The following LRRC8D variants were observed in gnomAD, a reference collection of about 807,000 sequenced individuals.
The protein encoded by LRRC8D is volume-regulated anion channel subunit LRRC8D.
LRRC8D carries 20 observed loss-of-function variants against 55.8 expected under a neutral mutation model. That is an observed-to-expected ratio of 0.36 (90% CI 0.25 to 0.52). The LOEUF is 0.52. Ranked by LOEUF, LRRC8D falls within the 20% of genes least tolerant of loss-of-function variation. The pLI is 0.93. For synonymous variants in LRRC8D, 352 were observed against 377.0 expected (o/e 0.93, Z 0.77); for missense variants, 651 against 1,030.8 (o/e 0.63, Z 5.05).
intron 2 of LRRC8D, among the ~76,000 whole-genome samples, chr1:89,922,641 G>C (rs1409466676): frequency 6.6e-6 from 1 of 152,148 alleles, no homozygotes; most frequent in Admixed American, 6.6e-5. Flanking sequence ...TACACTGTGA[G>C]GTGGTTTTTA....
Position 89,934,732 on chromosome 1 carries a change from G to T in LRRC8D, c.1664G>T (p.Trp555Leu), listed in dbSNP as rs2101005077. The T allele has an allele frequency of 6.2e-7, 1 of 1,614,116 alleles. No individual in the cohort carries two copies. The highest frequency in any genetic ancestry group is 8.5e-7 in the Non-Finnish European group (1 of 1,180,026). The change falls in exon 3 of 3, where the codon TGG becomes TTG. Residue 555 changes from tryptophan (W) to leucine (L), a missense_variant. By Grantham distance (61) the Trp-to-Leu change is moderately conservative. Around this residue, in one of 5 missense-constraint regions of LRRC8D, gnomAD observed 338 missense variants for 479.4 expected, o/e 0.71. Transcript: ENST00000337338. The surrounding 1 kb of genome is among the most constrained non-coding windows in gnomAD (Gnocchi z 5.9). ...KFTDVAEIPA[W>L]VYLLKNLREL... ...ACTGATGTGGCTGAAATTCCTGCCT[G>T]GGTGTATTTGCTCAAAAACCTTCGA...
chr1:89,857,051 G>A (rs563176746), intron 2 of LRRC8D, among the ~76,000 whole-genome samples: 26 of 152,082 alleles, frequency 1.7e-4, no homozygotes, highest in Middle Eastern at 3.4e-3. Context: ...ATGTGTATGC[G>A]TAGAAAAAAA....
At chr1:89,902,150 C>T (rs1449684434) in intron 2 of LRRC8D, among the ~76,000 whole-genome samples, 1 of 152,276 alleles carries the variant, frequency 6.6e-6, no homozygotes, top group Non-Finnish European at 1.5e-5. Context: ...GTTTTCTCCA[C>T]AACAATTAAA....
Position 89,934,831 on chromosome 1 carries a change from G to A in LRRC8D, c.1763G>A (p.Arg588Gln), listed in dbSNP as rs745373233. 3.7e-6 allele frequency: 6 copies of A among 1,614,004 alleles called. No individual in the cohort carries two copies. The highest frequency in any genetic ancestry group is 5.1e-6 in the Non-Finnish European group (6 of 1,179,988). Residue 588 changes from arginine (R) to glutamine (Q), a missense_variant, in exon 3 of 3, where the codon CGG (arginine) becomes CAG (glutamine). This residue lies in a region of LRRC8D where 338 missense variants were observed against 479.4 expected (regional missense o/e 0.71). Transcript: ENST00000337338. The surrounding 1 kb of genome is among the most constrained non-coding windows in gnomAD (Gnocchi z 5.9). ...GGACTTGAATCTCTCCGAGAGTTGC[G>A]GCACCTTAAGATTCTCCACGTGAAG... ...MIGLESLREL[R>Q]HLKILHVKSN...
At chr1:89,821,338 G>A (rs954761835) in intron 1 of LRRC8D, 47 bp downstream of exon 1, 1 of 152,132 alleles carries the variant, frequency 6.6e-6, no homozygotes, top group Non-Finnish European at 1.5e-5. Context: ...GCGAGGGAAG[G>A]CGACGCGCAG....
chr1:89,821,606 G>A lies in LRRC8D; in HGVS notation c.-148+315G>A, dbSNP rs1239326594. On this transcript the variant is annotated intron_variant, in intron 1 of 2. Coordinates refer to ENST00000337338, the MANE Select transcript of LRRC8D (RefSeq NM_001134479.2). ...TTCCTGGCTCCTGAACCCCTCGCGC[G>A]CGCTCCCTTCTCTCACCTCCCTCCG... 2.0e-5 allele frequency among the ~76,000 whole-genome samples: 3 copies of A among 152,238 alleles called. No homozygotes were observed. The East Asian group carries it at 5.8e-4, about 30-fold the overall frequency.
chr1:89,899,977 A>G (rs1190211405), intron 2 of LRRC8D, among the ~76,000 whole-genome samples: 1 of 152,240 alleles, frequency 6.6e-6, no homozygotes, highest in Non-Finnish European at 1.5e-5. Flanking sequence ...CTGGGGAAAC[A>G]AACGTGAATG....
At chr1:89,906,354 G>T (rs2816850) in intron 2 of LRRC8D, among the ~76,000 whole-genome samples, 31,281 of 152,066 alleles carry the variant, frequency 0.21, 3,831 homozygotes, top group African/African-American at 0.34. Flanking sequence ...CTCGAGCATC[G>T]CTGTAGAGCC....
At chr1:89,825,955 AT>A (rs1211513342) in intron 1 of LRRC8D, among the ~76,000 whole-genome samples, 2 of 152,188 alleles carry the variant, frequency 1.3e-5, no homozygotes, top group African/African-American at 2.4e-5. Flanking sequence ...ATGAGTGTCC[AT>A]TGTGCCCCAA....
At chr1:89,842,453 T>C (rs1661158980) in intron 1 of LRRC8D, among the ~76,000 whole-genome samples, 2 of 152,240 alleles carry the variant, frequency 1.3e-5, no homozygotes. Flanking sequence ...AGATGTTGTC[T>C]AGCACTGAGT....
intron 2 of LRRC8D, among the ~76,000 whole-genome samples, chr1:89,912,316 C>T (rs933565917): frequency 2.0e-5 from 3 of 152,162 alleles, no homozygotes; most frequent in Non-Finnish European, 2.9e-5. Context: ...TCCTTACTGT[C>T]CCTTTGTAAT....
At chr1:89,908,545 A>G (rs1663053058) in intron 2 of LRRC8D, among the ~76,000 whole-genome samples, 1 of 152,194 alleles carries the variant, frequency 6.6e-6, no homozygotes, top group Non-Finnish European at 1.5e-5. Context: ...CAGGTCCCTA[A>G]AGCCCTCCTG....
At chr1:89,841,006 T>G (rs1661118023) in intron 1 of LRRC8D, among the ~76,000 whole-genome samples, 1 of 152,222 alleles carries the variant, frequency 6.6e-6, no homozygotes, top group African/African-American at 2.4e-5. Context: ...AATGCCCTGC[T>G]TCACATCCCC....
In LRRC8D at chr1:89,832,480, A is replaced by G. The variant is rs183897757; in HGVS notation, c.-147-11158A>G. Among the ~76,000 whole-genome samples, 92 of 152,306 alleles carry G rather than the reference A, an allele frequency of 6.0e-4. No homozygotes were observed. In the East Asian group the frequency reaches 0.01, roughly 17 times the overall value. ...ACTGGAATAACTTTAAATTTCTAAT[A>G]CTTTGGTTGCTTTTTAGAATAAATT... On this transcript the variant is annotated intron_variant, in intron 1 of 2. Coordinates refer to ENST00000337338, the MANE Select transcript of LRRC8D (RefSeq NM_001134479.2).
At chr1:89,873,215 C>G (rs189571869) in intron 2 of LRRC8D, among the ~76,000 whole-genome samples, 5 of 152,284 alleles carry the variant, frequency 3.3e-5, no homozygotes, top group Non-Finnish European at 5.9e-5. Context: ...TCCCCTGTAA[C>G]TCAACAACCC....
At chr1:89,839,727 G>A (rs1661087916) in intron 1 of LRRC8D, among the ~76,000 whole-genome samples, 1 of 152,198 alleles carries the variant, frequency 6.6e-6, no homozygotes, top group Non-Finnish European at 1.5e-5. Context: ...TACCCCGGAG[G>A]TGAAGACAAG....
intron 2 of LRRC8D, among the ~76,000 whole-genome samples, chr1:89,899,523 G>A (rs1662796063): frequency 6.6e-6 from 1 of 152,212 alleles, no homozygotes. Context: ...CAGAGCTTTA[G>A]GATGGAGAGG....
chr1:89,887,895 A>G (rs1004835403), intron 2 of LRRC8D, among the ~76,000 whole-genome samples: 1 of 152,204 alleles, frequency 6.6e-6, no homozygotes, highest in Admixed American at 6.5e-5. Flanking sequence ...AGGGAGCCAC[A>G]GGGTGGGAGG....
intron 1 of LRRC8D, among the ~76,000 whole-genome samples, chr1:89,825,569 T>G (rs1284716126): frequency 6.6e-6 from 1 of 152,238 alleles, no homozygotes; most frequent in African/African-American, 2.4e-5. Context: ...AAGCTTTGTT[T>G]TCTTTTTTGC....
Sources: gnomAD v4.1 joint callset for allele counts (sites outside exome capture counted in the v4.1 genomes callset) on GRCh38, gnomAD v4.1.1 for gene constraint, gnomAD v4.1.1 regional missense constraint, Gnocchi (gnomAD v3.1) non-coding constraint, MANE v1.5 for transcripts, NCBI Gene and HGNC (gene_info 2026-07-23, HGNC 2026-07-21) for gene names.